FRYL: variants seen among roughly 807,000 people sequenced by gnomAD.
FRYL encodes the protein protein furry homolog-like.
A neutral mutation model predicts 351.2 loss-of-function variants in FRYL; 150 were observed. The observed-to-expected ratio is 0.43, with a 90% CI of 0.37 to 0.49. The LOEUF is 0.49. FRYL is among the 20% of genes least tolerant of loss of function. The pLI, the probability that FRYL is intolerant of heterozygous loss-of-function variation, is 0.00. For missense variants in FRYL, 3,036 were observed against 3,619.3 expected, an observed-to-expected ratio of 0.84 and a Z score of 4.13; for synonymous variants, 1,153 against 1,257.1, an observed-to-expected ratio of 0.92 and a Z score of 1.75.
intron 3 of FRYL, among the ~76,000 whole-genome samples, chr4:48,646,877 A>C (rs891780778): frequency 7.9e-5 from 12 of 152,308 alleles, no homozygotes; most frequent in African/African-American, 2.9e-4. Flanking sequence ...ACAGGTAAAA[A>C]GCACCAGGGA....
At chr4:48,685,661 G>T (rs1765076113) in intron 2 of FRYL, among the ~76,000 whole-genome samples, 1 of 152,010 alleles carries the variant, frequency 6.6e-6, no homozygotes, top group South Asian at 2.1e-4. Flanking sequence ...TACTTGGATG[G>T]TTACTAAGAA....
intron 2 of FRYL, among the ~76,000 whole-genome samples, chr4:48,699,401 T>C (rs1208494636): frequency 6.6e-6 from 1 of 152,204 alleles, no homozygotes; most frequent in Non-Finnish European, 1.5e-5. Flanking sequence ...AAAGAGATCA[T>C]ACTGTGACCA....
At chr4:48,576,294 T>C in intron 23 of FRYL, 72 bp from the exon 24 acceptor site, 1 of 1,155,952 alleles carries the variant, frequency 8.7e-7, no homozygotes, top group South Asian at 1.8e-5. Context: ...TTTTAACTAA[T>C]GCTAAATTTC....
chr4:48,763,451 G>T (rs1332470849), intron 1 of FRYL, among the ~76,000 whole-genome samples: 1 of 152,034 alleles, frequency 6.6e-6, no homozygotes, highest in East Asian at 1.9e-4. Flanking sequence ...GACAGAGTGT[G>T]ACCTTGTCTC....
chr4:48,701,389 A>G (rs566077029), intron 2 of FRYL, among the ~76,000 whole-genome samples: 1 of 152,366 alleles, frequency 6.6e-6, no homozygotes, highest in East Asian at 1.9e-4. Context: ...CAATGTATGC[A>G]GTATAGTTAC....
chr4:48,777,232 AAAG>A (rs1776118370), intron 1 of FRYL, among the ~76,000 whole-genome samples: 1 of 152,250 alleles, frequency 6.6e-6, no homozygotes, highest in South Asian at 2.1e-4. Context: ...CACCATCACA[AAAG>A]ATGTCTGTGG....
chr4:48,752,171 A>G (rs1051405934), intron 1 of FRYL, among the ~76,000 whole-genome samples: 1 of 152,228 alleles, frequency 6.6e-6, no homozygotes, highest in Non-Finnish European at 1.5e-5. Flanking sequence ...CTCACATCCA[A>G]AAGACTCACT....
chr4:48,715,377 T>C (rs1352832755), intron 1 of FRYL, among the ~76,000 whole-genome samples: 1 of 152,148 alleles, frequency 6.6e-6, no homozygotes, highest in Non-Finnish European at 1.5e-5. Context: ...GAAAACCCCA[T>C]CGTCTCAGCC....
intron 3 of FRYL, among the ~76,000 whole-genome samples, chr4:48,655,161 G>A (rs1417700435): frequency 2.0e-5 from 3 of 152,052 alleles, no homozygotes; most frequent in African/African-American, 7.2e-5. Flanking sequence ...CAGTGGTAGT[G>A]GTATTTTTTG....
intron 1 of FRYL, among the ~76,000 whole-genome samples, chr4:48,772,113 T>TA (rs1308955923): frequency 1.3e-5 from 2 of 152,242 alleles, no homozygotes; most frequent in Non-Finnish European, 2.9e-5. Context: ...GACTACTTAA[T>TA]AAGTAAGGTA....
At chr4:48,530,796 C>T (rs1207925331) in intron 50 of FRYL, among the ~76,000 whole-genome samples, 1 of 152,190 alleles carries the variant, frequency 6.6e-6, no homozygotes, top group African/African-American at 2.4e-5. Flanking sequence ...CAACACTCAG[C>T]TCAGATGTTG....
chr4:48,541,960 G>T, intron 45 of FRYL, 67 bp downstream of exon 45: 1 of 1,057,524 alleles, frequency 9.5e-7, no homozygotes, highest in Non-Finnish European at 1.5e-6. Context: ...AATTTTAAAA[G>T]TTATAGCTAT....
At chr4:48,758,250 TAAA>T (rs1345629793) in intron 1 of FRYL, among the ~76,000 whole-genome samples, 6 of 152,156 alleles carry the variant, frequency 3.9e-5, no homozygotes, top group Admixed American at 6.5e-5. Flanking sequence ...CTAATTAAAC[TAAA>T]GAGCTTCTGC....
At position 48,498,628 on chromosome 4, in the gene FRYL, T is replaced by G. The variant is rs563689703; in HGVS notation, c.*794A>C. On this transcript the variant is annotated 3_prime_UTR_variant, in exon 64 of 64. Coordinates refer to ENST00000358350, the MANE Select transcript of FRYL (RefSeq NM_015030.2). Reference sequence around the variant, plus strand: ...ACGTTAACAGATATATTATTTCTTTTTGAAATACTGGGAAAGCCCAGTTTT... The same window carrying G: ...ACGTTAACAGATATATTATTTCTTTGTGAAATACTGGGAAAGCCCAGTTTT... 1.4e-4 allele frequency: 22 copies of G among 152,780 alleles called. No homozygotes were observed. The highest frequency in any genetic ancestry group is 2.9e-4 in the Non-Finnish European group (20 of 68,032). 9.5% of individuals were successfully genotyped at this position (152,780 alleles called of 1,614,324 possible).
intron 2 of FRYL, among the ~76,000 whole-genome samples, chr4:48,690,426 C>T (rs1407353092): frequency 6.6e-6 from 1 of 151,974 alleles, no homozygotes; most frequent in Admixed American, 6.6e-5. Context: ...ACTTTCTTTA[C>T]TGATTTCATT....
Position 48,518,180 on chromosome 4 carries a change from C to A in FRYL, c.7689+2868G>T, listed in dbSNP as rs1257445756. Among the ~76,000 whole-genome samples, 4 of 150,780 alleles carry A rather than the reference C, an allele frequency of 2.7e-5. No homozygotes were observed. In the South Asian group the frequency reaches 8.3e-4, roughly 31 times the overall value. ...CTGGTGTTACGGTGTATGGTGTGAT[C>A]TATGGTGTGATCCAAACTAGGCACT... On this transcript the variant is annotated intron_variant, in intron 55 of 63. Coordinates refer to ENST00000358350, the MANE Select transcript of FRYL (RefSeq NM_015030.2).
At chr4:48,518,702 C>T (rs958007362) in intron 55 of FRYL, among the ~76,000 whole-genome samples, 4 of 152,108 alleles carry the variant, frequency 2.6e-5, no homozygotes, top group South Asian at 4.1e-4. Flanking sequence ...GCTTCTTCTG[C>T]CTGGAACCTT....
At chr4:48,513,388 C>T (rs1290580045) in intron 56 of FRYL, among the ~76,000 whole-genome samples, 4 of 152,058 alleles carry the variant, frequency 2.6e-5, no homozygotes, top group Non-Finnish European at 5.9e-5. Context: ...CATAAGACCT[C>T]GCCATTTCCT....
intron 14 of FRYL, 39 bp downstream of exon 14, chr4:48,595,858 G>A (rs746663375): frequency 1.5e-6 from 2 of 1,349,418 alleles, no homozygotes; most frequent in Non-Finnish European, 2.1e-6. Flanking sequence ...TTAAAAACAA[G>A]AATTTATTTT....
Sources: allele counts gnomAD v4.1 joint callset (sites outside exome capture counted in the v4.1 genomes callset), GRCh38; gene constraint gnomAD v4.1.1; transcripts MANE v1.5; gene names NCBI Gene and HGNC (gene_info 2026-07-23, HGNC 2026-07-21).